Variants in EGFR observed in about 807,000 individuals in gnomAD.
The protein encoded by EGFR is avian erythroblastic leukemia viral (v-erb-b) oncogene homolog.
In EGFR, 58 loss-of-function variants were observed where a neutral mutation model predicts 143.0. That is an observed-to-expected ratio of 0.41 (90% confidence interval 0.33 to 0.50). EGFR has a LOEUF of 0.50. Among genes scored for constraint, EGFR ranks in the 20% least tolerant of loss-of-function variants. The probability of loss-of-function intolerance (pLI) is 0.39; values close to 1 mark genes in which losing one functional copy is unlikely to be tolerated. For missense variants in EGFR, 1,307 were observed against 1,579.0 expected (o/e 0.83, Z 2.92); for synonymous variants, 613 against 594.4 (o/e 1.03, Z -0.45).
chr7:55,137,560 T>TAA, intron 1 of EGFR, among the ~76,000 whole-genome samples: 1 of 152,080 alleles, frequency 6.6e-6, no homozygotes, highest in African/African-American at 2.4e-5. Flanking sequence ...AGTGAGGAGT[T>TAA]TCTCAAGAAA....
chr7:55,187,027 G>C (rs895320346), intron 20 of EGFR, among the ~76,000 whole-genome samples: 1 of 152,208 alleles, frequency 6.6e-6, no homozygotes, highest in East Asian at 1.9e-4. Context: ...GCCTCTGTGG[G>C]TGAGAGTTGG....
chr7:55,092,029 A>AC (rs975027299), intron 1 of EGFR, among the ~76,000 whole-genome samples: 3 of 151,382 alleles, frequency 2.0e-5, no homozygotes, highest in African/African-American at 7.3e-5. Context: ...CCTTAAAAAA[A>AC]AATTCTGGTT....
At chr7:55,051,827 A>G (rs1788508791) in intron 1 of EGFR, among the ~76,000 whole-genome samples, 2 of 152,122 alleles carry the variant, frequency 1.3e-5, no homozygotes, top group South Asian at 2.1e-4. Context: ...AGTTTCTCAA[A>G]CTGAAGTTTT....
At chr7:55,115,666 G>A (rs185823316) in intron 1 of EGFR, among the ~76,000 whole-genome samples, 65 of 152,152 alleles carry the variant, frequency 4.3e-4, no homozygotes, top group African/African-American at 1.4e-3. Context: ...CAAATATCCC[G>A]GTCTGCTCTC....
chr7:55,173,652 C>T (rs781263403), intron 17 of EGFR, among the ~76,000 whole-genome samples: 1 of 152,214 alleles, frequency 6.6e-6, no homozygotes, highest in Admixed American at 6.5e-5. Flanking sequence ...AGTTAATAGG[C>T]GTGGAAACAG....
At chr7:55,074,388 A>G (rs1361535953) in intron 1 of EGFR, among the ~76,000 whole-genome samples, 3 of 152,244 alleles carry the variant, frequency 2.0e-5, no homozygotes, top group Admixed American at 1.3e-4. Context: ...TAGAACTGAA[A>G]GTTATGACAA....
chr7:55,134,083 G>C (rs13247687), intron 1 of EGFR, among the ~76,000 whole-genome samples: 1 of 151,986 alleles, frequency 6.6e-6, no homozygotes, highest in Non-Finnish European at 1.5e-5. Context: ...ATTTTGAATC[G>C]AAGCCAGCAT....
chr7:55,066,680 G>A (rs968172661), intron 1 of EGFR, among the ~76,000 whole-genome samples: 3 of 152,154 alleles, frequency 2.0e-5, no homozygotes, highest in African/African-American at 7.2e-5. Context: ...GGGGTGGGGT[G>A]GGGTTCACGC....
chr7:55,020,928 C>T (rs1786530676), intron 1 of EGFR, among the ~76,000 whole-genome samples: 1 of 151,432 alleles, frequency 6.6e-6, no homozygotes, highest in Non-Finnish European at 1.5e-5. Context: ...CTGGCTCCCG[C>T]CCCCAGACAT....
At position 55,163,740 on chromosome 7, in the gene EGFR, A is replaced by G. The variant is rs1427028322; in HGVS notation, c.1639A>G (p.Arg547Gly). The G allele has an allele frequency of 1.9e-6, 3 of 1,614,204 alleles. No individual in the cohort carries two copies. Among genetic ancestry groups the G allele is most frequent in the Non-Finnish European group, 2.5e-6 (3 of 1,180,016 alleles). ...TCCTCTTCCTCCTCTCAGTGAGCCA[A>G]GGGAGTTTGTGGAGAACTCTGAGTG... The part of the protein sequence containing the change: ...DKCNLLEGEP[R>G]EFVENSECIQ... The change falls in exon 14 of 28, where the codon AGG becomes GGG. Residue 547 changes from arginine to glycine, a missense_variant. Transcript: ENST00000275493.
chr7:55,113,960 G>A (rs1367613510), intron 1 of EGFR, among the ~76,000 whole-genome samples: 6 of 152,210 alleles, frequency 3.9e-5, no homozygotes, highest in African/African-American at 1.4e-4. Flanking sequence ...TGGTGGCAGG[G>A]GCTTGGACGC....
At chr7:55,140,701 T>C (rs1362014806) in intron 1 of EGFR, among the ~76,000 whole-genome samples, 4 of 152,078 alleles carry the variant, frequency 2.6e-5, no homozygotes, top group South Asian at 4.2e-4. Context: ...AGAGTTATGG[T>C]TGGAAAAATG....
intron 19 of EGFR, among the ~76,000 whole-genome samples, chr7:55,179,550 A>G (rs1286000802): frequency 6.6e-6 from 1 of 152,224 alleles, no homozygotes; most frequent in Non-Finnish European, 1.5e-5. Context: ...GAAGGTGGGC[A>G]GGAGGACCAG....
intron 1 of EGFR, among the ~76,000 whole-genome samples, chr7:55,079,499 G>A (rs1790341762): frequency 6.6e-6 from 1 of 152,220 alleles, no homozygotes; most frequent in Non-Finnish European, 1.5e-5. Flanking sequence ...CCAGGGCCAG[G>A]ACTGGAGTGA....
chr7:55,168,557 C>A lies in EGFR; in HGVS notation c.1881-2618C>A, dbSNP rs528886309. 55 of 1,609,614 alleles carry A rather than the reference C, an allele frequency of 3.4e-5. No homozygotes were observed. In the South Asian group the frequency reaches 5.7e-4, roughly 17 times the overall value. On this transcript the variant is annotated intron_variant, in intron 15 of 27. Transcript: ENST00000275493. ...AATCTTCACTGTCTGACTTTAGTCT[C>A]CCACTAAAACTGCATTTCCTTTCTA...
chr7:55,070,124 T>A (rs997393946), intron 1 of EGFR, among the ~76,000 whole-genome samples: 2 of 152,252 alleles, frequency 1.3e-5, no homozygotes, highest in African/African-American at 2.4e-5. Flanking sequence ...AACAATGCTA[T>A]ATGCTGTATC....
At chr7:55,163,263 T>C (rs1214062701) in intron 13 of EGFR, among the ~76,000 whole-genome samples, 1 of 152,246 alleles carries the variant, frequency 6.6e-6, no homozygotes, top group Non-Finnish European at 1.5e-5. Context: ...TTGAGGGATG[T>C]CAAAATATTG....
chr7:55,111,521 A>T (rs1389659080), intron 1 of EGFR, among the ~76,000 whole-genome samples: 2 of 152,174 alleles, frequency 1.3e-5, no homozygotes, highest in South Asian at 2.1e-4. Flanking sequence ...AGGGGGTTTT[A>T]AATTGCTCAA....
intron 1 of EGFR, among the ~76,000 whole-genome samples, chr7:55,068,119 T>C (rs945443883): frequency 6.9e-6 from 1 of 145,972 alleles, no homozygotes; most frequent in Non-Finnish European, 1.5e-5. Context: ...TGTGTGTGTG[T>C]GTGCATGTGT....
Sources: allele counts gnomAD v4.1 joint callset (sites outside exome capture counted in the v4.1 genomes callset), GRCh38; gene constraint gnomAD v4.1.1; transcripts MANE v1.5; gene names NCBI Gene and HGNC (gene_info 2026-07-23, HGNC 2026-07-21).